Variants in HHLA2 observed in about 807,000 individuals in gnomAD.
The protein encoded by HHLA2 is HERV-H LTR-associating protein 2.
In HHLA2, 48 loss-of-function variants were observed where a neutral mutation model predicts 45.9. The ratio of observed to expected loss-of-function variants is 1.05; its 90% CI spans 0.83 to 1.33. The LOEUF is 1.33. HHLA2 is among the 40% of genes most tolerant of loss of function. The pLI, the probability that HHLA2 is intolerant of heterozygous loss-of-function variation, is 0.00. For synonymous variants in HHLA2, 161 were observed against 173.9 expected (o/e 0.93, Z 0.59); for missense variants, 462 against 494.3 (o/e 0.93, Z 0.62).
intron 8 of HHLA2, among the ~76,000 whole-genome samples, chr3:108,363,817 C>T (rs2082018207): frequency 6.6e-6 from 1 of 152,148 alleles, no homozygotes; most frequent in Non-Finnish European, 1.5e-5. Context: ...ACACTCAAAA[C>T]TGGATAAAGA....
intron 6 of HHLA2, among the ~76,000 whole-genome samples, chr3:108,356,139 C>A (rs1459533319): frequency 6.8e-6 from 1 of 147,178 alleles, no homozygotes; most frequent in Non-Finnish European, 1.5e-5. Context: ...AAGTGATTCT[C>A]CTGTCTCAGC....
intron 6 of HHLA2, among the ~76,000 whole-genome samples, chr3:108,357,032 A>G (rs531082335): frequency 6.6e-6 from 1 of 152,366 alleles, no homozygotes; most frequent in East Asian, 1.9e-4. Flanking sequence ...GGGAGGCCAA[A>G]AACAGATGAA....
At chr3:108,346,394 A>G (rs1203335229) in intron 3 of HHLA2, among the ~76,000 whole-genome samples, 3 of 152,202 alleles carry the variant, frequency 2.0e-5, no homozygotes, top group Non-Finnish European at 4.4e-5. Context: ...TGCTACAAAG[A>G]GTTTTCCTTT....
intron 3 of HHLA2, among the ~76,000 whole-genome samples, chr3:108,349,952 T>C (rs1396579836): frequency 1.3e-5 from 2 of 152,196 alleles, no homozygotes; most frequent in African/African-American, 2.4e-5. Context: ...GTTTCAGGGT[T>C]ACGTTAAACA....
intron 2 of HHLA2, among the ~76,000 whole-genome samples, chr3:108,314,535 T>C (rs2081071867): frequency 6.6e-6 from 1 of 152,068 alleles, no homozygotes; most frequent in Non-Finnish European, 1.5e-5. Flanking sequence ...TGACCCCAGA[T>C]ACCTTGAGGC....
chr3:108,349,370 A>G (rs940008294), intron 3 of HHLA2, among the ~76,000 whole-genome samples: 2 of 152,212 alleles, frequency 1.3e-5, no homozygotes, highest in Non-Finnish European at 2.9e-5. Context: ...AAACACCTCT[A>G]CGCAAATAAA....
chr3:108,346,400 C>G (rs1014074714), intron 3 of HHLA2, among the ~76,000 whole-genome samples: 1 of 152,132 alleles, frequency 6.6e-6, no homozygotes, highest in African/African-American at 2.4e-5. Context: ...AAAGAGTTTT[C>G]CTTTGTTAAG....
At chr3:108,368,958 A>C (rs2082116341) in intron 8 of HHLA2, among the ~76,000 whole-genome samples, 1 of 152,158 alleles carries the variant, frequency 6.6e-6, no homozygotes, top group African/African-American at 2.4e-5. Context: ...CTTATTCTAA[A>C]ATCGACCACA....
At chr3:108,313,877 G>A (rs2081060981) in intron 2 of HHLA2, among the ~76,000 whole-genome samples, 1 of 152,144 alleles carries the variant, frequency 6.6e-6, no homozygotes, top group Admixed American at 6.5e-5. Context: ...TTCAGGAACT[G>A]AACTCCGAGC....
At chr3:108,321,257 T>C (rs1444335287) in intron 2 of HHLA2, among the ~76,000 whole-genome samples, 1 of 152,128 alleles carries the variant, frequency 6.6e-6, no homozygotes, top group Non-Finnish European at 1.5e-5. Context: ...TGACTCCTCT[T>C]CTATTTTGAA....
chr3:108,308,675 T>C (rs546588451), intron 1 of HHLA2, among the ~76,000 whole-genome samples: 11 of 152,230 alleles, frequency 7.2e-5, no homozygotes, highest in Non-Finnish European at 1.5e-4. Flanking sequence ...CCAGCATTTG[T>C]TATTGCCTGT....
exon 5 of HHLA2, chr3:108,353,497 A>G (rs774512569): frequency 5.0e-6 from 8 of 1,609,214 alleles, no homozygotes; most frequent in African/African-American, 1.3e-5. Context: ...GACTTGATGA[A>G]GATATAATTC....
At chr3:108,376,329 G>C (rs1329349386) in intron 9 of HHLA2, among the ~76,000 whole-genome samples, 164 bp from the exon 9 acceptor site, 3 of 152,110 alleles carry the variant, frequency 2.0e-5, no homozygotes, top group Non-Finnish European at 2.9e-5. Flanking sequence ...TGCTTCTGAT[G>C]ATGTGTTTTT....
chr3:108,331,062 AGGG>A (rs2081377914), intron 3 of HHLA2, among the ~76,000 whole-genome samples: 3 of 152,122 alleles, frequency 2.0e-5, no homozygotes, highest in Non-Finnish European at 4.4e-5. Flanking sequence ...GCAGTTTATT[AGGG>A]TGTTTCAAAC....
At chr3:108,354,852 G>T (rs2081854839) in intron 5 of HHLA2, among the ~76,000 whole-genome samples, 1 of 152,040 alleles carries the variant, frequency 6.6e-6, no homozygotes. Context: ...TTCTTTTCCA[G>T]CTATGTTTCT....
intron 2 of HHLA2, among the ~76,000 whole-genome samples, chr3:108,320,516 TG>T (rs1294170608): frequency 1.3e-5 from 2 of 152,360 alleles, no homozygotes; most frequent in Middle Eastern, 6.8e-3. Flanking sequence ...TACTTCTTCA[TG>T]CCTCCCCTCT....
At chr3:108,361,349 C>A (rs568176676) in intron 7 of HHLA2, among the ~76,000 whole-genome samples, 1 of 152,258 alleles carries the variant, frequency 6.6e-6, no homozygotes, top group East Asian at 1.9e-4. Context: ...GTGAATCCTC[C>A]CTTTGTCCAG....
chr3:108,305,324 C>T (rs1576091438), intron 1 of HHLA2, among the ~76,000 whole-genome samples: 1 of 152,150 alleles, frequency 6.6e-6, no homozygotes, highest in African/African-American at 2.4e-5. Context: ...ATGCTGGCTA[C>T]TGCTTCACGA....
At chr3:108,346,496 T>G (rs1196483099) in intron 3 of HHLA2, among the ~76,000 whole-genome samples, 1 of 152,178 alleles carries the variant, frequency 6.6e-6, no homozygotes, top group African/African-American at 2.4e-5. Flanking sequence ...TGTAGCAACC[T>G]AGAAGCTGCT....
Sources: allele counts gnomAD v4.1 joint callset (sites outside exome capture counted in the v4.1 genomes callset), GRCh38; gene constraint gnomAD v4.1.1; transcripts MANE v1.5; gene names NCBI Gene and HGNC (gene_info 2026-07-23, HGNC 2026-07-21).